DLG2: variants seen among roughly 807,000 people sequenced by gnomAD.
DLG2 encodes disks large homolog 2.
A neutral mutation model predicts 132.5 loss-of-function variants in DLG2; 45 were observed. The observed-to-expected ratio is 0.34, with a 90% CI of 0.27 to 0.44. The LOEUF (loss-of-function observed/expected upper bound fraction) is 0.44, where lower values mean the gene tolerates loss of function less well. Among genes scored for constraint, DLG2 ranks in the 20% least tolerant of loss-of-function variants. The pLI is 1.00. For synonymous variants in DLG2, 424 were observed against 419.6 expected, an observed-to-expected ratio of 1.01 and a Z score of -0.13; for missense variants, 1,045 against 1,196.9, an observed-to-expected ratio of 0.87 and a Z score of 1.87.
intron 3 of DLG2, among the ~76,000 whole-genome samples, chr11:85,548,876 G>A (rs932413869): frequency 6.6e-6 from 1 of 152,192 alleles, no homozygotes. Flanking sequence ...AGCTCAGACT[G>A]CTGTGCTAGC....
chr11:84,079,032 T>C (rs938265993), intron 10 of DLG2, among the ~76,000 whole-genome samples: 4 of 152,202 alleles, frequency 2.6e-5, no homozygotes, highest in Non-Finnish European at 5.9e-5. Flanking sequence ...GTGAACTCTT[T>C]GAAAACAAGG....
At chr11:84,978,341 G>A (rs1057271507) in intron 6 of DLG2, among the ~76,000 whole-genome samples, 12 of 152,240 alleles carry the variant, frequency 7.9e-5, no homozygotes, top group South Asian at 6.2e-4. Flanking sequence ...AAAAGAGCCC[G>A]CATTGCCAAG....
intron 7 of DLG2, among the ~76,000 whole-genome samples, chr11:84,412,829 C>CT (rs1259649752): frequency 3.9e-5 from 6 of 152,150 alleles, no homozygotes; most frequent in East Asian, 3.9e-4. Flanking sequence ...GTTCTGAGGA[C>CT]TGCAGGCCCA....
intron 15 of DLG2, among the ~76,000 whole-genome samples, chr11:83,916,658 C>A (rs2076973443): frequency 6.6e-6 from 1 of 152,102 alleles, no homozygotes; most frequent in Admixed American, 6.6e-5. Flanking sequence ...TGCTTACAGA[C>A]AAAACAATTT....
intron 19 of DLG2, among the ~76,000 whole-genome samples, chr11:83,629,258 G>A (rs2063156406): frequency 6.6e-6 from 1 of 152,122 alleles, no homozygotes; most frequent in Non-Finnish European, 1.5e-5. Flanking sequence ...GTCCATTATA[G>A]GTCCTGGCAC....
chr11:84,571,022 A>T (rs567055076), intron 6 of DLG2, among the ~76,000 whole-genome samples: 1 of 152,214 alleles, frequency 6.6e-6, no homozygotes, highest in Non-Finnish European at 1.5e-5. Context: ...TAATAGTGAG[A>T]TGAGTCTACA....
In DLG2 at chr11:85,087,844, CAAAAAA is replaced by C. The variant is rs71465019; in HGVS notation, c.357+23811_357+23816del. Among the ~76,000 whole-genome samples, 42 of 22,052 alleles carry C rather than the reference CAAAAAA, an allele frequency of 1.9e-3. No individual in the cohort carries two copies. The South Asian group carries it at 0.031, about 16-fold the overall frequency. The allele number at this position is 22,052 out of a possible 152,430, so 14.5% of individuals were successfully genotyped here. ...TGGGCGACAGAGCGAGACTCCGTCT[CAAAAAA>C]AAAAAAAAAAAAAAAAAAACAGATC... On this transcript the variant is annotated intron_variant, in intron 6 of 27. Transcript: ENST00000376104.
chr11:84,283,836 A>G (rs2097879701), intron 7 of DLG2, among the ~76,000 whole-genome samples: 1 of 152,204 alleles, frequency 6.6e-6, no homozygotes, highest in South Asian at 2.1e-4. Flanking sequence ...AATGGGGCCT[A>G]AATAGATAAA....
intron 6 of DLG2, among the ~76,000 whole-genome samples, chr11:84,767,023 G>A (rs1771891578): frequency 6.6e-6 from 1 of 151,886 alleles, no homozygotes; most frequent in African/African-American, 2.4e-5. Flanking sequence ...AGCATTACCT[G>A]GTATGTTGGA....
chr11:84,065,767 T>A (rs1369552366), intron 10 of DLG2, among the ~76,000 whole-genome samples: 3 of 152,208 alleles, frequency 2.0e-5, no homozygotes, highest in African/African-American at 7.2e-5. Flanking sequence ...TATGCACACA[T>A]ATGTTCAACA....
chr11:85,492,456 A>T (rs1002043493), intron 3 of DLG2, among the ~76,000 whole-genome samples: 1 of 152,200 alleles, frequency 6.6e-6, no homozygotes, highest in Admixed American at 6.5e-5. Context: ...ACTGCAGTGT[A>T]AACTTTCACA....
intron 6 of DLG2, among the ~76,000 whole-genome samples, chr11:85,003,728 T>A (rs2058405326): frequency 6.6e-6 from 1 of 152,104 alleles, no homozygotes; most frequent in Non-Finnish European, 1.5e-5. Context: ...GAATGTCTAT[T>A]TTTTTCATTA....
chr11:85,445,005 T>C (rs1318211837), intron 3 of DLG2, among the ~76,000 whole-genome samples: 2 of 152,036 alleles, frequency 1.3e-5, no homozygotes, highest in Non-Finnish European at 2.9e-5. Context: ...TTTAAAACAT[T>C]AAAACCAAAA....
intron 6 of DLG2, among the ~76,000 whole-genome samples, chr11:85,087,163 T>C (rs1376270823): frequency 6.6e-6 from 1 of 152,174 alleles, no homozygotes; most frequent in Non-Finnish European, 1.5e-5. Flanking sequence ...ATAGACAAAT[T>C]CCTGGCCATT....
intron 12 of DLG2, among the ~76,000 whole-genome samples, chr11:83,968,799 A>G (rs571977578): frequency 2.6e-5 from 4 of 152,274 alleles, no homozygotes; most frequent in Admixed American, 1.3e-4. Flanking sequence ...CAGCTATACT[A>G]CTTCTTCCAG....
intron 17 of DLG2, among the ~76,000 whole-genome samples, chr11:83,827,176 T>C (rs2053089495): frequency 1.3e-5 from 2 of 152,090 alleles, no homozygotes; most frequent in South Asian, 2.1e-4. Flanking sequence ...AGAAATAATT[T>C]TGGACATCTT....
At chr11:84,404,532 A>G (rs1409877362) in intron 7 of DLG2, among the ~76,000 whole-genome samples, 1 of 152,148 alleles carries the variant, frequency 6.6e-6, no homozygotes, top group Non-Finnish European at 1.5e-5. Flanking sequence ...CACATTGCCT[A>G]ACACAGTGCC....
chr11:84,294,747 T>C (rs1346266302), intron 7 of DLG2, among the ~76,000 whole-genome samples: 6 of 152,228 alleles, frequency 3.9e-5, no homozygotes, highest in African/African-American at 1.4e-4. Context: ...CACCAATCTG[T>C]CCTTTGGATA....
intron 15 of DLG2, among the ~76,000 whole-genome samples, chr11:83,900,985 G>C (rs553621374): frequency 2.0e-5 from 3 of 152,220 alleles, no homozygotes; most frequent in Non-Finnish European, 2.9e-5. Context: ...TCTTGCATCA[G>C]CATGACCTGG....
Sources: allele counts gnomAD v4.1 joint callset (sites outside exome capture counted in the v4.1 genomes callset), GRCh38; gene constraint gnomAD v4.1.1; transcripts MANE v1.5; gene names NCBI Gene and HGNC (gene_info 2026-07-23, HGNC 2026-07-21).